The following KNL1 variants were observed in gnomAD, a reference collection of about 807,000 sequenced individuals.
The protein encoded by KNL1 is kinetochore scaffold 1.
A neutral mutation model predicts 201.3 loss-of-function variants in KNL1; 66 were observed. The ratio of observed to expected loss-of-function variants is 0.33; its 90% CI spans 0.27 to 0.40. The LOEUF (loss-of-function observed/expected upper bound fraction) is 0.40, where lower values mean the gene tolerates loss of function less well. KNL1 is among the 10% of genes least tolerant of loss of function. KNL1 has a pLI of 1.00. For missense variants in KNL1, 2,815 were observed against 2,690.5 expected (o/e 1.05, Z -1.02); for synonymous variants, 895 against 899.2 (o/e 1.00, Z 0.08).
intron 2 of KNL1, among the ~76,000 whole-genome samples, chr15:40,604,185 A>T (rs1566999212): frequency 6.6e-6 from 1 of 151,206 alleles, no homozygotes; most frequent in Admixed American, 6.6e-5. Context: ...GGGACTTTAG[A>T]TACTATCTCC....
At chr15:40,632,210 A>ACCCCCCCCCC (rs34274284) in intron 13 of KNL1, among the ~76,000 whole-genome samples, 3 of 131,710 alleles carry the variant, frequency 2.3e-5, no homozygotes, top group African/African-American at 8.7e-5. Flanking sequence ...ACATAGCGAG[A>ACCCCCCCCCC]CCCCCCCCCA....
At chr15:40,613,898 C>T (rs573326009) in intron 7 of KNL1, among the ~76,000 whole-genome samples, 12 of 150,728 alleles carry the variant, frequency 8.0e-5, no homozygotes, top group Non-Finnish European at 1.2e-4. Context: ...CCTGGTTTCA[C>T]GCCATTCTCC....
chr15:40,613,213 C>T (rs565268566), intron 7 of KNL1, among the ~76,000 whole-genome samples: 3 of 152,078 alleles, frequency 2.0e-5, no homozygotes, highest in Non-Finnish European at 4.4e-5. Flanking sequence ...CAAAGTATAT[C>T]ATGTATTACC....
rs756746100 is a variant in KNL1 at position 40,640,879 on chromosome 15, A to G, written c.5683-33A>G. ...TTATATATGGTTTTGTCTGCAAGATACCAGTTCTCAGGGACTGAATTTTTT... is the reference window on the plus strand; with the variant it reads ...TTATATATGGTTTTGTCTGCAAGATGCCAGTTCTCAGGGACTGAATTTTTT... On this transcript the variant is annotated intron_variant, in intron 13 of 25. Coordinates refer to ENST00000399668, the MANE Select transcript of KNL1 (RefSeq NM_144508.5). The G allele has an allele frequency of 4.1e-6, 5 of 1,226,778 alleles. No individual in the cohort carries two copies. The African/African-American group carries it at 6.0e-5, about 15-fold the overall frequency. The allele number at this position is 1,226,778 out of a possible 1,614,324, so 76.0% of individuals were successfully genotyped here. A position where few individuals can be genotyped will look rare whatever the true frequency, so the allele number is the denominator to read the frequency against.
intron 19 of KNL1, 39 bp from the exon 20 acceptor site, chr15:40,651,432 A>G: frequency 7.0e-7 from 1 of 1,434,850 alleles, no homozygotes; most frequent in African/African-American, 1.4e-5. Context: ...ATTCTCTAAC[A>G]AAAACCTTAT....
chr15:40,636,906 A>G (rs1893070996), intron 13 of KNL1, among the ~76,000 whole-genome samples: 2 of 152,158 alleles, frequency 1.3e-5, no homozygotes, highest in Non-Finnish European at 2.9e-5. Flanking sequence ...GCAAATTCCA[A>G]GCATCATCAA....
In KNL1 at chr15:40,625,134, A is replaced by C; in HGVS notation, c.4870A>C (p.Lys1624Gln). The change falls in exon 10 of 26, where the codon AAA (lysine) becomes CAA (glutamine). Residue 1624 changes from lysine (K) to glutamine (Q), a missense_variant. Lys to Gln is a moderately conservative substitution (Grantham distance 53). Around this residue, in one of 3 missense-constraint regions of KNL1, gnomAD observed 2,464 missense variants for 2,291.7 expected, o/e 1.08. Coordinates refer to ENST00000399668, the MANE Select transcript of KNL1 (RefSeq NM_144508.5). Reference protein sequence around the residue: ...NAKDSRDEENKKSHNGAETTS... With the variant: ...NAKDSRDEENQKSHNGAETTS... Reference sequence around the variant, plus strand: ...TAAAGATAGTAGAGATGAGGAAAATAAAAAGTCTCATAATGGAGCTGAAAC... The same window carrying C: ...TAAAGATAGTAGAGATGAGGAAAATCAAAAGTCTCATAATGGAGCTGAAAC... 1 of 1,614,102 alleles carries C rather than the reference A, an allele frequency of 6.2e-7. No homozygotes were observed. Among genetic ancestry groups the C allele is most frequent in the East Asian group, 2.2e-5 (1 of 44,874 alleles).
Position 40,624,099 on chromosome 15 carries a change from AATAGAG to A in KNL1, c.3841_3846del (p.Asp1281_Arg1282del). Reference sequence around the variant, plus strand: ...GCAAGTTGAAAGCTGTCAGTTAAATAATAGAGATAGAAGAAATGTGGACTTTACAAG... The same window carrying A: ...GCAAGTTGAAAGCTGTCAGTTAAATAATAGAAGAAATGTGGACTTTACAAG... On this transcript the variant is annotated inframe_deletion, in exon 10 of 26. Transcript: ENST00000399668. 1 of 1,614,074 alleles carries A rather than the reference AATAGAG, an allele frequency of 6.2e-7. No homozygotes were observed. The highest frequency in any genetic ancestry group is 1.1e-5 in the South Asian group (1 of 91,084).
rs1440234772 is a variant in KNL1 at position 40,645,793 on chromosome 15, T to C, written c.6006+21T>C. 3.3e-6 allele frequency: 4 copies of C among 1,226,972 alleles called. No homozygotes were observed. In the Admixed American group the frequency reaches 9.0e-5, roughly 28 times the overall value. The allele number at this position is 1,226,972 out of a possible 1,614,324, so 76.0% of individuals were successfully genotyped here. The stretch of plus-strand genomic sequence containing the variant: ...CTCAGGTAATTTGAGACAGTTAATA[T>C]CATAGAAAGAGAGAGATATTAAAAT... On this transcript the variant is annotated intron_variant, in intron 16 of 25. Coordinates refer to ENST00000399668, the MANE Select transcript of KNL1 (RefSeq NM_144508.5).
chr15:40,635,497 G>A (rs1026128485), intron 13 of KNL1, among the ~76,000 whole-genome samples: 5 of 152,122 alleles, frequency 3.3e-5, no homozygotes, highest in Non-Finnish European at 7.3e-5. Flanking sequence ...TAGGATTACA[G>A]GCATACACCA....
intron 25 of KNL1, among the ~76,000 whole-genome samples, chr15:40,659,890 A>T (rs1259854141): frequency 7.1e-5 from 4 of 56,688 alleles, no homozygotes; most frequent in Non-Finnish European, 1.9e-4. Context: ...ATTTTGAAGA[A>T]TTTATGTGTG....
At position 40,645,048 on chromosome 15, in the gene KNL1, G is replaced by A. The variant is rs1423664203; in HGVS notation, c.5850G>A (p.Lys1950=). Residue 1950 remains lysine, a synonymous_variant, in exon 15 of 26, where the codon AAG becomes AAA. Coordinates refer to ENST00000399668, the MANE Select transcript of KNL1 (RefSeq NM_144508.5). The part of the protein sequence containing the change: ...NQDKLLVDIN[K]NLWEKMRHCS... ...ATAAGCTGTTGGTTGATATAAATAA[G>A]AACCTGTGGGAAAAAATGAGACACT... 6.2e-7 allele frequency: 1 copy of A among 1,611,968 alleles called. No homozygotes were observed. The highest frequency in any genetic ancestry group is 1.1e-5 in the South Asian group (1 of 90,988).
Position 40,622,492 on chromosome 15 carries a change from C to T in KNL1, c.2228C>T (p.Pro743Leu). 1 of 1,613,962 alleles carries T rather than the reference C, an allele frequency of 6.2e-7. No homozygotes were observed. Among genetic ancestry groups the T allele is most frequent in the South Asian group, 1.1e-5 (1 of 91,066 alleles). ...AEPLRKSLSN[P>L]TPDYCHDKMI... ...CCACTGAGGAAAAGTTTAAGCAATC[C>T]CACACCTGACTATTGCCATGACAAG... Residue 743 changes from proline to leucine, a missense_variant, in exon 10 of 26, where the codon CCC becomes CTC. Physicochemically the swap from Pro to Leu is moderately conservative, Grantham distance 98 (BLOSUM62 -3). This residue lies in a region of KNL1 where 2,464 missense variants were observed against 2,291.7 expected (regional missense o/e 1.08). Coordinates refer to ENST00000399668, the MANE Select transcript of KNL1 (RefSeq NM_144508.5).
rs1012270900 is a variant in KNL1 at position 40,614,139 on chromosome 15, G to A, written c.285-1202G>A. Reference sequence around the variant, plus strand: ...TTGAGATGGAGTCTTGCTCTGTTGTGCAGGCTGGAGTGCAGTGGCCTAATC... The same window carrying A: ...TTGAGATGGAGTCTTGCTCTGTTGTACAGGCTGGAGTGCAGTGGCCTAATC... On this transcript the variant is annotated intron_variant, in intron 7 of 25. Coordinates refer to ENST00000399668, the MANE Select transcript of KNL1 (RefSeq NM_144508.5). Among the ~76,000 whole-genome samples the A allele has an allele frequency of 5.1e-5, 6 of 118,102 alleles. No individual in the cohort carries two copies. The East Asian group carries it at 1.5e-3, about 30-fold the overall frequency. 77.5% of individuals were successfully genotyped at this position (118,102 alleles called of 152,430 possible).
intron 1 of KNL1, among the ~76,000 whole-genome samples, chr15:40,598,143 T>C (rs7178486): frequency 0.79 from 117,642 of 149,260 alleles, 47,160 homozygotes; most frequent in Non-Finnish European, 0.85. Context: ...CATTGCTCTC[T>C]AGCCTGGGCA....
rs760023995 is a variant in KNL1, at chr15:40,621,477, G to C, written c.1213G>C (p.Asp405His). 1 of 1,613,718 alleles carries C rather than the reference G, an allele frequency of 6.2e-7. No individual in the cohort carries two copies. Among genetic ancestry groups the C allele is most frequent in the Non-Finnish European group, 8.5e-7 (1 of 1,179,902 alleles). ...CATAGTCTCACAGACTTGTAATCAG[G>C]ATGCCAGAATATTAGCCATGACCCC... Reference protein sequence around the residue: ...THIVSQTCNQDARILAMTPES... With the variant: ...THIVSQTCNQHARILAMTPES... Residue 405 changes from aspartate to histidine, a missense_variant, in exon 10 of 26, where the codon GAT becomes CAT. By Grantham distance (81) the Asp-to-His change is moderately conservative. Coordinates refer to ENST00000399668, the MANE Select transcript of KNL1 (RefSeq NM_144508.5).
chr15:40,661,664 A>G, intron 25 of KNL1, among the ~76,000 whole-genome samples: 1 of 152,218 alleles, frequency 6.6e-6, no homozygotes, highest in Non-Finnish European at 1.5e-5. Flanking sequence ...ATTTCCAGAA[A>G]TGCTCATTTG....
chr15:40,661,547 T>A (rs1340328173), intron 25 of KNL1, among the ~76,000 whole-genome samples: 1 of 152,082 alleles, frequency 6.6e-6, no homozygotes, highest in African/African-American at 2.4e-5. Context: ...AAGACTAAGA[T>A]TTTTTATGAC....
intron 20 of KNL1, 136 bp downstream of exon 20, chr15:40,651,708 G>A: frequency 1.6e-6 from 1 of 606,486 alleles, no homozygotes; most frequent in Non-Finnish European, 2.9e-6. Context: ...AAGAGTCAGT[G>A]TACTCAACAG....
Sources: gnomAD v4.1 joint callset for allele counts (sites outside exome capture counted in the v4.1 genomes callset) on GRCh38, gnomAD v4.1.1 for gene constraint, gnomAD v4.1.1 regional missense constraint, MANE v1.5 for transcripts, NCBI Gene and HGNC (gene_info 2026-07-23, HGNC 2026-07-21) for gene names.